IBA57: variants seen among roughly 807,000 people sequenced by gnomAD.
IBA57 encodes iron-sulfur cluster assembly factor IBA57, mitochondrial.
Under a neutral mutation model 20.4 loss-of-function variants are expected in IBA57, and 20 were observed. That is an observed-to-expected ratio of 0.98 (90% CI 0.69 to 1.42). The LOEUF (loss-of-function observed/expected upper bound fraction) is 1.42. Among genes scored for constraint, IBA57 ranks in the 40% most tolerant of loss-of-function variants. IBA57 has a pLI of 0.00. For missense variants in IBA57, 608 were observed against 499.3 expected, an observed-to-expected ratio of 1.22 and a Z score of -2.07; for synonymous variants, 310 against 233.9, an observed-to-expected ratio of 1.33 and a Z score of -2.97.
rs2124971418 is a variant in IBA57, at chr1:228,165,858, C to A, written c.42C>A (p.Arg14=). The change falls in exon 1 of 3, where the codon CGC becomes CGA. Residue 14 remains arginine (R), a synonymous_variant. Coordinates refer to ENST00000366711, the MANE Select transcript of IBA57 (RefSeq NM_001010867.4). ...AALLRGATPG[R]GGPVWRWRLR... ...TGCTTCGAGGCGCCACTCCGGGGCG[C>A]GGCGGCCCGGTCTGGCGCTGGCGGC... 7.6e-7 allele frequency: 1 copy of A among 1,309,120 alleles called. No individual in the cohort carries two copies. The highest frequency in any genetic ancestry group is 9.7e-7 in the Non-Finnish European group (1 of 1,035,070). The allele number at this position is 1,309,120 out of a possible 1,614,324, so 81.1% of individuals were successfully genotyped here. A position where few individuals can be genotyped will look rare whatever the true frequency, so the allele number is the denominator to read the frequency against.
Position 228,175,646 on chromosome 1 carries a change from C to A in IBA57, c.*133C>A. 8.1e-7 allele frequency: 1 copy of A among 1,239,120 alleles called. No individual in the cohort carries two copies. The highest frequency in any genetic ancestry group is 1.1e-6 in the Non-Finnish European group (1 of 929,866). The allele number at this position is 1,239,120 out of a possible 1,614,324, so 76.8% of individuals were successfully genotyped here. On this transcript the variant is annotated 3_prime_UTR_variant, in exon 3 of 3. Coordinates refer to ENST00000366711, the MANE Select transcript of IBA57 (RefSeq NM_001010867.4). Reference sequence around the variant, plus strand: ...AGCCCTGGTTTCCATCTGGGAAAGTCCCCCTTGTAGGTGCCCTGCCTGGCC... The same window carrying A: ...AGCCCTGGTTTCCATCTGGGAAAGTACCCCTTGTAGGTGCCCTGCCTGGCC...
chr1:228,171,029 A>C (rs536128913), intron 1 of IBA57: 1 of 152,370 alleles, frequency 6.6e-6, no homozygotes, highest in Non-Finnish European at 1.5e-5. Context: ...ACAAAAGCAC[A>C]GGACACCCAG....
chr1:228,168,280 T>G (rs951795935), intron 1 of IBA57, among the ~76,000 whole-genome samples: 2 of 152,234 alleles, frequency 1.3e-5, no homozygotes, highest in African/African-American at 4.8e-5. Flanking sequence ...CTTACCGTAT[T>G]GTAATACAGT....
At chr1:228,171,921 T>C (rs2034933582) in intron 1 of IBA57, 1 of 152,308 alleles carries the variant, frequency 6.6e-6, no homozygotes, top group South Asian at 2.1e-4. Flanking sequence ...GGTCCATCTT[T>C]GTCTGCTGAC....
At position 228,175,373 on chromosome 1, in the gene IBA57, A is replaced by C; in HGVS notation, c.931A>C (p.Arg311=). Residue 311 remains arginine, a synonymous_variant, in exon 3 of 3, where the codon AGG becomes CGG. Coordinates refer to ENST00000366711, the MANE Select transcript of IBA57 (RefSeq NM_001010867.4). ...CTCAGGACAGACTGTGGGCAAGTTCAGGGCTGGCCAGGGCAACGTGGGGCT... is the reference window on the plus strand; with the variant it reads ...CTCAGGACAGACTGTGGGCAAGTTCCGGGCTGGCCAGGGCAACGTGGGGCT... ...TASGQTVGKF[R]AGQGNVGLAL... 1 of 1,612,914 alleles carries C rather than the reference A, an allele frequency of 6.2e-7. No individual in the cohort carries two copies. Among genetic ancestry groups the C allele is most frequent in the Non-Finnish European group, 8.5e-7 (1 of 1,179,946 alleles).
At position 228,182,126 on chromosome 1, in the gene IBA57, G is replaced by A. The variant is rs2035120716; in HGVS notation, c.*6613G>A. The stretch of plus-strand genomic sequence containing the variant: ...GTTCTCAGGGACAATAATAGCAGGG[G>A]GTCCTGCTGAAGAAAAACTGGGAGA... On this transcript the variant is annotated 3_prime_UTR_variant, in exon 3 of 3. Coordinates refer to ENST00000366711, the MANE Select transcript of IBA57 (RefSeq NM_001010867.4). 6.6e-6 allele frequency: 1 copy of A among 152,066 alleles called. No homozygotes were observed. Among genetic ancestry groups the A allele is most frequent in the African/African-American group, 2.4e-5 (1 of 41,404 alleles). The allele number at this position is 152,066 out of a possible 1,614,324, so 9.4% of individuals were successfully genotyped here.
At position 228,179,323 on chromosome 1, in the gene IBA57, T is replaced by G. The variant is rs1485734347; in HGVS notation, c.*3810T>G. On this transcript the variant is annotated 3_prime_UTR_variant, in exon 3 of 3. Coordinates refer to ENST00000366711, the MANE Select transcript of IBA57 (RefSeq NM_001010867.4). Reference sequence around the variant, plus strand: ...AGACTATAAAAATGACCAAGCAGATTTTAAAAAGAGAACTTGTTGAAATAA... The same window carrying G: ...AGACTATAAAAATGACCAAGCAGATGTTAAAAAGAGAACTTGTTGAAATAA... 1.3e-5 allele frequency: 2 copies of G among 152,074 alleles called. No homozygotes were observed. The highest frequency in any genetic ancestry group is 2.9e-5 in the Non-Finnish European group (2 of 68,018). 9.4% of individuals were successfully genotyped at this position (152,074 alleles called of 1,614,324 possible). A position where few individuals can be genotyped will look rare whatever the true frequency, so the allele number is the denominator to read the frequency against.
At chr1:228,168,812 G>T (rs550022615) in intron 1 of IBA57, among the ~76,000 whole-genome samples, 3 of 152,174 alleles carry the variant, frequency 2.0e-5, no homozygotes, top group South Asian at 2.1e-4. Flanking sequence ...AGGCCAGGGA[G>T]CTCCACTCTG....
chr1:228,171,275 A>G (rs1180537254), intron 1 of IBA57: 3 of 152,110 alleles, frequency 2.0e-5, no homozygotes, highest in African/African-American at 7.2e-5. Context: ...AGCCCCCACT[A>G]TGGAGAATGA....
rs1225483477 is a variant in IBA57, at chr1:228,179,501, C to G, written c.*3988C>G. 6.6e-6 allele frequency: 1 copy of G among 152,148 alleles called. No homozygotes were observed. Among genetic ancestry groups the G allele is most frequent in the Non-Finnish European group, 1.5e-5 (1 of 68,046 alleles). The allele number at this position is 152,148 out of a possible 1,614,324, so 9.4% of individuals were successfully genotyped here. On this transcript the variant is annotated 3_prime_UTR_variant, in exon 3 of 3. Transcript: ENST00000366711. ...GATGGAGAGTTTAGTATGACATCCG[C>G]AATTTACGAGTAATTCCAGAAGGAG...
rs1053159511 is a variant in IBA57, at chr1:228,170,702, C to T, written c.342-3990C>T. Among the ~76,000 whole-genome samples the T allele has an allele frequency of 3.3e-5, 5 of 152,194 alleles. No homozygotes were observed. Among genetic ancestry groups the T allele is most frequent in the African/African-American group, 9.7e-5 (4 of 41,448 alleles). Reference sequence around the variant, plus strand: ...GGATTGTGGTCCAGTGGCCTTGCTGCGAGCTGGCCGGGGCAAGGATGTGGA... The same window carrying T: ...GGATTGTGGTCCAGTGGCCTTGCTGTGAGCTGGCCGGGGCAAGGATGTGGA... On this transcript the variant is annotated intron_variant, in intron 1 of 2. Transcript: ENST00000366711. This position sits in a 1 kb window ranked among gnomAD's most constrained non-coding sequence, Gnocchi z 4.8.
rs1571922420 is a variant in IBA57 at position 228,179,574 on chromosome 1, G to A, written c.*4061G>A. The A allele has an allele frequency of 6.6e-6, 1 of 152,154 alleles. No individual in the cohort carries two copies. Among genetic ancestry groups the A allele is most frequent in the East Asian group, 1.9e-4 (1 of 5,188 alleles). The allele number at this position is 152,154 out of a possible 1,614,324, so 9.4% of individuals were successfully genotyped here. The stretch of plus-strand genomic sequence containing the variant: ...GGCAAGTATTCAGAGAAATACGGCT[G>A]AGAACTTTCCCAAACCAACAGGAGC... On this transcript the variant is annotated 3_prime_UTR_variant, in exon 3 of 3. Coordinates refer to ENST00000366711, the MANE Select transcript of IBA57 (RefSeq NM_001010867.4).
Position 228,166,174 on chromosome 1 carries a change from A to C in IBA57, c.341+17A>C. On this transcript the variant is annotated intron_variant, in intron 1 of 2. Transcript: ENST00000366711. Reference sequence around the variant, plus strand: ...CTTGTACGGGTGAGCGCGTGCTGGGAGGGCGCTCGGGGGCGGGCACCCAGG... The same window carrying C: ...CTTGTACGGGTGAGCGCGTGCTGGGCGGGCGCTCGGGGGCGGGCACCCAGG... 2 of 1,354,112 alleles carry C rather than the reference A, an allele frequency of 1.5e-6. No individual in the cohort carries two copies. The highest frequency in any genetic ancestry group is 2.9e-5 in the Admixed American group (1 of 34,968). The allele number at this position is 1,354,112 out of a possible 1,614,324, so 83.9% of individuals were successfully genotyped here. A position where few individuals can be genotyped will look rare whatever the true frequency, so the allele number is the denominator to read the frequency against.
rs772999714 is a variant in IBA57 at position 228,175,518 on chromosome 1, A to C, written c.*5A>C. ...TGGCCTACAGTCTCCAAGTAGTCCGAAGCCTTGGCTGGCGCAGGCTGATGG... is the reference window on the plus strand; with the variant it reads ...TGGCCTACAGTCTCCAAGTAGTCCGCAGCCTTGGCTGGCGCAGGCTGATGG... On this transcript the variant is annotated 3_prime_UTR_variant, in exon 3 of 3. Transcript: ENST00000366711. The C allele has an allele frequency of 1.9e-6, 3 of 1,550,670 alleles. No homozygotes were observed. Among genetic ancestry groups the C allele is most frequent in the Non-Finnish European group, 2.6e-6 (3 of 1,146,664 alleles).
chr1:228,181,705 G>A lies in IBA57; in HGVS notation c.*6192G>A, dbSNP rs2035114086. On this transcript the variant is annotated 3_prime_UTR_variant, in exon 3 of 3. Coordinates refer to ENST00000366711, the MANE Select transcript of IBA57 (RefSeq NM_001010867.4). ...TGCCAGACATTTTCCCGGAGTGAGTGCAGCATTTACATTCCCACCAGAAGT... is the reference window on the plus strand; with the variant it reads ...TGCCAGACATTTTCCCGGAGTGAGTACAGCATTTACATTCCCACCAGAAGT... 1 of 152,244 alleles carries A rather than the reference G, an allele frequency of 6.6e-6. No homozygotes were observed. Among genetic ancestry groups the A allele is most frequent in the African/African-American group, 2.4e-5 (1 of 41,464 alleles). 9.4% of individuals were successfully genotyped at this position (152,244 alleles called of 1,614,324 possible).
chr1:228,166,315 G>A lies in IBA57; in HGVS notation c.341+158G>A, dbSNP rs987571656. 2.6e-5 allele frequency among the ~76,000 whole-genome samples: 4 copies of A among 152,084 alleles called. No individual in the cohort carries two copies. In the East Asian group the frequency reaches 7.8e-4, roughly 30 times the overall value. On this transcript the variant is annotated intron_variant, in intron 1 of 2. Transcript: ENST00000366711. ...GGGGTGGAAGCTCAAGGGTGGGTGG[G>A]CCAGCGACTGGCACTCAGGGTCAGG...
At position 228,174,977 on chromosome 1, in the gene IBA57, CG is replaced by C; in HGVS notation, c.632del (p.Gly211AlafsTer40). 3 of 1,554,108 alleles carry C rather than the reference CG, an allele frequency of 1.9e-6. No homozygotes were observed. The highest frequency in any genetic ancestry group is 1.7e-4 in the Middle Eastern group (1 of 5,732). On this transcript the variant is annotated frameshift_variant, in exon 2 of 3. Transcript: ENST00000366711. LOFTEE classifies it high-confidence loss of function. Reference protein sequence around the residue: ...TQDEGPALVPGGRLGDLWDYH... With the variant: ...TQDEGPALVPXGRLGDLWDYH... ...AGGATGAAGGCCCAGCCCTGGTGCCCGGGGGCCGGCTCGGGGACTTGTGGGA... is the reference window on the plus strand; with the variant it reads ...AGGATGAAGGCCCAGCCCTGGTGCCCGGGGCCGGCTCGGGGACTTGTGGGA...
At position 228,178,756 on chromosome 1, in the gene IBA57, A is replaced by G. The variant is rs1176086033; in HGVS notation, c.*3243A>G. ...TATCATCATCATCTTCTAATCCCCA[A>G]GGAGACAAGCTCCCTGTTCTGTGTT... is the stretch of plus-strand genomic sequence containing the variant. On this transcript the variant is annotated 3_prime_UTR_variant, in exon 3 of 3. Coordinates refer to ENST00000366711, the MANE Select transcript of IBA57 (RefSeq NM_001010867.4). 6.6e-6 allele frequency: 1 copy of G among 152,250 alleles called. No homozygotes were observed. Among genetic ancestry groups the G allele is most frequent in the Non-Finnish European group, 1.5e-5 (1 of 68,066 alleles). The allele number at this position is 152,250 out of a possible 1,614,324, so 9.4% of individuals were successfully genotyped here.
chr1:228,166,263 G>C, intron 1 of IBA57, 106 bp downstream of exon 1: 1 of 839,932 alleles, frequency 1.2e-6, no homozygotes, highest in Non-Finnish European at 1.7e-6. Flanking sequence ...AGGGCGTGGG[G>C]GGTGGGCACC....
Sources: allele counts gnomAD v4.1 joint callset (sites outside exome capture counted in the v4.1 genomes callset), GRCh38; gene constraint gnomAD v4.1.1; non-coding constraint Gnocchi (gnomAD v3.1); transcripts MANE v1.5; gene names NCBI Gene and HGNC (gene_info 2026-07-23, HGNC 2026-07-21).